LINGO1: variants seen among roughly 807,000 people sequenced by gnomAD.
The protein encoded by LINGO1 is leucine-rich repeat and immunoglobulin-like domain-containing nogo receptor-interacting protein 1.
LINGO1 carries 11 observed loss-of-function variants against 37.3 expected under a neutral mutation model. The observed-to-expected ratio is 0.29, with a 90% CI of 0.19 to 0.49. The LOEUF is 0.49. LINGO1 is among the 20% of genes least tolerant of loss of function. LINGO1 has a pLI of 0.99. For missense variants in LINGO1, 585 were observed against 878.2 expected (o/e 0.67, Z 4.22); for synonymous variants, 387 against 403.0 (o/e 0.96, Z 0.48).
intron 1 of LINGO1, among the ~76,000 whole-genome samples, chr15:77,753,070 C>G (rs966567738): frequency 1.3e-5 from 2 of 152,242 alleles, no homozygotes; most frequent in Non-Finnish European, 2.9e-5. Context: ...ATTTGCCATC[C>G]CTGGCTTTCT....
At chr15:77,739,182 C>G (rs1471556122) in intron 1 of LINGO1, among the ~76,000 whole-genome samples, 1 of 152,222 alleles carries the variant, frequency 6.6e-6, no homozygotes, top group Non-Finnish European at 1.5e-5. Context: ...CAGCTGGTGC[C>G]GCTGCCAGGC....
chr15:77,668,792 T>TACACACACACACACACAC (rs34476518), intron 3 of LINGO1, among the ~76,000 whole-genome samples: 7 of 134,900 alleles, frequency 5.2e-5, no homozygotes, highest in African/African-American at 8.3e-5. Flanking sequence ...CACAGGGGAA[T>TACACACACACACACACAC]ACACACACAC....
intron 1 of LINGO1, among the ~76,000 whole-genome samples, chr15:77,759,440 A>G (rs924558234): frequency 6.6e-6 from 1 of 152,218 alleles, no homozygotes; most frequent in Non-Finnish European, 1.5e-5. Flanking sequence ...CTGAGGCAGC[A>G]AGCTGTGGGC....
chr15:77,656,235 T>C (rs939595521), intron 3 of LINGO1, among the ~76,000 whole-genome samples: 1 of 152,172 alleles, frequency 6.6e-6, no homozygotes, highest in Admixed American at 6.5e-5. Context: ...ACTTTGGCCC[T>C]GGACTGAGCT....
At chr15:77,711,052 G>C (rs986739760) in intron 2 of LINGO1, among the ~76,000 whole-genome samples, 1 of 152,092 alleles carries the variant, frequency 6.6e-6, no homozygotes, top group Non-Finnish European at 1.5e-5. Flanking sequence ...CTGAGCCTTT[G>C]CTCACCCAGA....
chr15:77,689,470 T>G (rs1203877796), intron 2 of LINGO1, among the ~76,000 whole-genome samples: 1 of 152,198 alleles, frequency 6.6e-6, no homozygotes, highest in Non-Finnish European at 1.5e-5. Flanking sequence ...TGCAGCTCAA[T>G]GCTCCCCCTT....
At chr15:77,668,746 A>G (rs898734723) in intron 3 of LINGO1, among the ~76,000 whole-genome samples, 2 of 151,882 alleles carry the variant, frequency 1.3e-5, no homozygotes, top group Non-Finnish European at 2.9e-5. Flanking sequence ...TTCAACACAC[A>G]TATACACACA....
intron 2 of LINGO1, among the ~76,000 whole-genome samples, chr15:77,733,744 C>T (rs1358935191): frequency 6.6e-6 from 1 of 152,198 alleles, no homozygotes; most frequent in African/African-American, 2.4e-5. Context: ...TCACAATTAG[C>T]AACCCTCCTC....
chr15:77,657,268 C>T (rs1282839074), intron 3 of LINGO1, among the ~76,000 whole-genome samples: 2 of 152,020 alleles, frequency 1.3e-5, no homozygotes, highest in Non-Finnish European at 2.9e-5. Context: ...CAGGTAGCTG[C>T]CCCAGACCTC....
At chr15:77,663,502 C>A (rs2075044450) in intron 3 of LINGO1, among the ~76,000 whole-genome samples, 1 of 152,190 alleles carries the variant, frequency 6.6e-6, no homozygotes, top group Non-Finnish European at 1.5e-5. Context: ...CCACTCAGGG[C>A]TTTAGCTAAA....
At chr15:77,804,500 T>TC (rs2076944000) in intron 1 of LINGO1, among the ~76,000 whole-genome samples, 2 of 152,198 alleles carry the variant, frequency 1.3e-5, no homozygotes, top group African/African-American at 4.8e-5. Flanking sequence ...GAGCACAGGC[T>TC]GGATAGGCAG....
intron 1 of LINGO1, among the ~76,000 whole-genome samples, chr15:77,745,740 T>C (rs1362280214): frequency 6.6e-6 from 1 of 152,100 alleles, no homozygotes; most frequent in Non-Finnish European, 1.5e-5. Context: ...CTTTATTTCA[T>C]AGAAGGGGAA....
chr15:77,790,967 G>A (rs575249896), upstream of LINGO1, among the ~76,000 whole-genome samples: 3 of 152,324 alleles, frequency 2.0e-5, no homozygotes, highest in Non-Finnish European at 2.9e-5. Flanking sequence ...GGGCCAATGG[G>A]TTCCAACCTG....
At chr15:77,673,323 A>C (rs2075280521) in intron 3 of LINGO1, among the ~76,000 whole-genome samples, 1 of 152,202 alleles carries the variant, frequency 6.6e-6, no homozygotes, top group African/African-American at 2.4e-5. Context: ...CTTGTGAATA[A>C]TGATTTGCAC....
intron 1 of LINGO1, among the ~76,000 whole-genome samples, chr15:77,739,262 C>G (rs2076236279): frequency 1.3e-5 from 2 of 152,208 alleles, no homozygotes; most frequent in African/African-American, 4.8e-5. Context: ...CATTTTCTTT[C>G]TCTTCCCTTC....
chr15:77,663,565 T>G (rs1260580443), intron 3 of LINGO1, among the ~76,000 whole-genome samples: 1 of 152,208 alleles, frequency 6.6e-6, no homozygotes, highest in Non-Finnish European at 1.5e-5. Flanking sequence ...GGTATTTATC[T>G]GCCCTTCTCT....
chr15:77,622,596 T>C (rs569423945), intron 1 of LINGO1, among the ~76,000 whole-genome samples: 26 of 152,294 alleles, frequency 1.7e-4, no homozygotes, highest in Admixed American at 1.5e-3. Context: ...CCTGCCTGCC[T>C]GAGGTCCCTT....
intron 1 of LINGO1, among the ~76,000 whole-genome samples, chr15:77,785,971 G>T (rs760843225): frequency 1.3e-5 from 2 of 152,154 alleles, no homozygotes; most frequent in Non-Finnish European, 2.9e-5. Flanking sequence ...AGTGAGGCGG[G>T]GGAAGGGCAC....
At chr15:77,717,476 C>A (rs1020296164) in intron 2 of LINGO1, among the ~76,000 whole-genome samples, 1 of 150,698 alleles carries the variant, frequency 6.6e-6, no homozygotes, top group Non-Finnish European at 1.5e-5. Context: ...GCACCCCAGC[C>A]CTGCTCACAG....
Sources: gnomAD v4.1 joint callset for allele counts (sites outside exome capture counted in the v4.1 genomes callset) on GRCh38, gnomAD v4.1.1 for gene constraint, MANE v1.5 for transcripts, NCBI Gene and HGNC (gene_info 2026-07-23, HGNC 2026-07-21) for gene names.